The following ST6GALNAC3 variants were observed in gnomAD, a reference collection of about 807,000 sequenced individuals.
ST6GALNAC3 encodes alpha-N-acetylgalactosaminide alpha-2,6-sialyltransferase 3.
Under a neutral mutation model 32.7 loss-of-function variants are expected in ST6GALNAC3, and 25 were observed. That is an observed-to-expected ratio of 0.76 (90% confidence interval 0.56 to 1.07). The LOEUF (loss-of-function observed/expected upper bound fraction) is 1.07. Among genes scored for constraint, ST6GALNAC3 ranks in the 50% least tolerant of loss-of-function variants. ST6GALNAC3 has a pLI of 0.00. For missense variants in ST6GALNAC3, 355 were observed against 382.4 expected (o/e 0.93, Z 0.60); for synonymous variants, 129 against 133.1 (o/e 0.97, Z 0.21).
At chr1:76,532,593 A>T (rs956796734) in intron 3 of ST6GALNAC3, among the ~76,000 whole-genome samples, 1 of 152,214 alleles carries the variant, frequency 6.6e-6, no homozygotes, top group Non-Finnish European at 1.5e-5. Context: ...CTTGCAGCTT[A>T]TAAAGAGAGA....
intron 1 of ST6GALNAC3, among the ~76,000 whole-genome samples, chr1:76,212,782 G>T (rs1655242420): frequency 6.6e-6 from 1 of 152,132 alleles, no homozygotes; most frequent in African/African-American, 2.4e-5. Context: ...TTATAAGGAA[G>T]CTCATCCGCT....
intron 1 of ST6GALNAC3, among the ~76,000 whole-genome samples, chr1:76,301,306 G>A (rs571454044): frequency 6.6e-6 from 1 of 151,990 alleles, no homozygotes; most frequent in Admixed American, 6.6e-5. Context: ...AGTTGCTTCT[G>A]GGACATCCAG....
At chr1:76,387,022 A>G (rs1174129390) in intron 2 of ST6GALNAC3, among the ~76,000 whole-genome samples, 1 of 152,114 alleles carries the variant, frequency 6.6e-6, no homozygotes, top group Non-Finnish European at 1.5e-5. Context: ...TTCTTGCTTT[A>G]TAGTGGGCTT....
At chr1:76,212,953 G>C (rs138232173) in intron 1 of ST6GALNAC3, among the ~76,000 whole-genome samples, 18 of 152,322 alleles carry the variant, frequency 1.2e-4, no homozygotes, top group Non-Finnish European at 2.4e-4. Flanking sequence ...GACCCGTTCT[G>C]TGCTGGAAAC....
intron 1 of ST6GALNAC3, among the ~76,000 whole-genome samples, chr1:76,284,370 G>T (rs987556690): frequency 6.6e-6 from 1 of 152,076 alleles, no homozygotes; most frequent in Non-Finnish European, 1.5e-5. Context: ...GTTTATGAGG[G>T]GCACATTGGA....
At chr1:76,416,053 A>ACACACACG (rs1654599425) in intron 3 of ST6GALNAC3, among the ~76,000 whole-genome samples, 1 of 151,262 alleles carries the variant, frequency 6.6e-6, no homozygotes, top group Non-Finnish European at 1.5e-5. Flanking sequence ...ACACACACAC[A>ACACACACG]CACACACACA....
At chr1:76,514,651 G>A (rs1359450790) in intron 3 of ST6GALNAC3, among the ~76,000 whole-genome samples, 2 of 152,184 alleles carry the variant, frequency 1.3e-5, no homozygotes, top group South Asian at 4.2e-4. Context: ...GACTTTCCCT[G>A]CCATGTTGTG....
intron 1 of ST6GALNAC3, among the ~76,000 whole-genome samples, chr1:76,205,375 A>G (rs75178453): frequency 6.6e-6 from 1 of 151,882 alleles, no homozygotes; most frequent in African/African-American, 2.4e-5. Flanking sequence ...AGGTCACTAC[A>G]TCTCCCCATC....
intron 1 of ST6GALNAC3, among the ~76,000 whole-genome samples, chr1:76,183,848 A>G (rs1269257756): frequency 1.3e-5 from 1 of 74,408 alleles, no homozygotes; most frequent in African/African-American, 3.5e-5. Flanking sequence ...AATGTAGTGC[A>G]TGAATATATA....
At chr1:76,527,413 C>A (rs11162174) in intron 3 of ST6GALNAC3, among the ~76,000 whole-genome samples, 64,343 of 151,846 alleles carry the variant, frequency 0.42, 14,106 homozygotes, top group Non-Finnish European at 0.48. Context: ...TCTCCCCTGG[C>A]AGTTGTAATT....
intron 4 of ST6GALNAC3, among the ~76,000 whole-genome samples, chr1:76,627,953 G>C (rs887968700): frequency 6.6e-6 from 1 of 151,940 alleles, no homozygotes; most frequent in African/African-American, 2.4e-5. Flanking sequence ...AGGACAAAAT[G>C]TCCTGCAGCC....
At chr1:76,490,229 G>A (rs920041290) in intron 3 of ST6GALNAC3, among the ~76,000 whole-genome samples, 2 of 152,112 alleles carry the variant, frequency 1.3e-5, no homozygotes, top group East Asian at 3.9e-4. Flanking sequence ...CTAGAGAGGC[G>A]AGAGTTTTCT....
chr1:76,450,358 TC>T (rs905664696), intron 3 of ST6GALNAC3, among the ~76,000 whole-genome samples: 1 of 152,184 alleles, frequency 6.6e-6, no homozygotes, highest in African/African-American at 2.4e-5. Flanking sequence ...ATGTTTGATG[TC>T]CATTTGCATA....
intron 1 of ST6GALNAC3, among the ~76,000 whole-genome samples, chr1:76,096,218 T>C (rs1647129023): frequency 6.6e-6 from 1 of 152,206 alleles, no homozygotes; most frequent in African/African-American, 2.4e-5. Context: ...TTAATTTCTT[T>C]GGAGTGAATT....
chr1:76,423,633 A>G (rs558065802), intron 3 of ST6GALNAC3, among the ~76,000 whole-genome samples: 12 of 152,098 alleles, frequency 7.9e-5, no homozygotes, highest in Non-Finnish European at 1.5e-4. Flanking sequence ...GAGCAAAAAC[A>G]TATTTTCTTT....
intron 1 of ST6GALNAC3, among the ~76,000 whole-genome samples, chr1:76,241,140 A>G (rs1375482011): frequency 6.6e-6 from 1 of 152,222 alleles, no homozygotes; most frequent in Non-Finnish European, 1.5e-5. Context: ...TTAAATTTGT[A>G]GAGTCTTCTA....
intron 1 of ST6GALNAC3, among the ~76,000 whole-genome samples, chr1:76,171,830 A>AAG (rs1216867434): frequency 1.3e-5 from 2 of 148,482 alleles, no homozygotes; most frequent in African/African-American, 4.9e-5. Context: ...AAAAAAAAAA[A>AAG]ACAAGAAAAA....
chr1:76,525,503 A>T (rs187629183), intron 3 of ST6GALNAC3, among the ~76,000 whole-genome samples: 6 of 151,852 alleles, frequency 4.0e-5, no homozygotes, highest in Admixed American at 3.3e-4. Context: ...AAGTGAATCG[A>T]TGATATAGAT....
At chr1:76,504,805 T>C (rs1661375447) in intron 3 of ST6GALNAC3, among the ~76,000 whole-genome samples, 1 of 152,208 alleles carries the variant, frequency 6.6e-6, no homozygotes, top group South Asian at 2.1e-4. Flanking sequence ...AGTAGTAGTA[T>C]CTATTAGTGT....
Sources: gnomAD v4.1 joint callset for allele counts (sites outside exome capture counted in the v4.1 genomes callset) on GRCh38, gnomAD v4.1.1 for gene constraint, MANE v1.5 for transcripts, NCBI Gene and HGNC (gene_info 2026-07-23, HGNC 2026-07-21) for gene names.